The following CHL1 variants were observed in gnomAD, a reference collection of about 807,000 sequenced individuals.
The protein encoded by CHL1 is neural cell adhesion molecule L1-like protein.
Under a neutral mutation model 141.9 loss-of-function variants are expected in CHL1, and 96 were observed. The ratio of observed to expected loss-of-function variants is 0.68; its 90% CI spans 0.57 to 0.80. The LOEUF (loss-of-function observed/expected upper bound fraction) is 0.80, where lower values mean the gene tolerates loss of function less well. Among genes scored for constraint, CHL1 ranks in the 30% least tolerant of loss-of-function variants. CHL1 has a pLI of 0.00. For missense variants in CHL1, 1,820 were observed against 1,457.2 expected, an observed-to-expected ratio of 1.25 and a Z score of -4.05; for synonymous variants, 613 against 502.2, an observed-to-expected ratio of 1.22 and a Z score of -2.95.
rs1235121819 is a variant in CHL1 at position 280,480 on chromosome 3, A to G, written c.-95+35788A>G. 1.3e-5 allele frequency among the ~76,000 whole-genome samples: 2 copies of G among 152,242 alleles called. 1 individual carries two copies. Among genetic ancestry groups the G allele is most frequent in the East Asian group, 3.8e-4 (2 of 5,204 alleles). On this transcript the variant is annotated intron_variant, in intron 2 of 27. Transcript: ENST00000256509. ...GTGCTGAATAACTTAGATAAGAATT[A>G]AAGTGCTGAATAATTTAGATAAGAA... is the stretch of plus-strand genomic sequence containing the variant.
intron 1 of CHL1, among the ~76,000 whole-genome samples, chr3:205,566 TG>T (rs763566970): frequency 1.4e-4 from 21 of 152,224 alleles, no homozygotes; most frequent in Non-Finnish European, 2.9e-4. Flanking sequence ...AACGTAGTCC[TG>T]GCCAAAGATA....
chr3:280,363 A>G lies in CHL1; in HGVS notation c.-95+35671A>G, dbSNP rs547802162. On this transcript the variant is annotated intron_variant, in intron 2 of 27. Coordinates refer to ENST00000256509, the MANE Select transcript of CHL1 (RefSeq NM_006614.4). Reference sequence around the variant, plus strand: ...AAGTATGTCAAGAAAATTGAACATCAGTCTTCTTACTAGAAAAGAGAATCT... The same window carrying G: ...AAGTATGTCAAGAAAATTGAACATCGGTCTTCTTACTAGAAAAGAGAATCT... Among the ~76,000 whole-genome samples, 47 of 152,292 alleles carry G rather than the reference A, an allele frequency of 3.1e-4. 1 individual carries two copies. The South Asian group carries it at 9.3e-3, about 30-fold the overall frequency.
At position 398,213 on chromosome 3, in the gene CHL1, T is replaced by C; in HGVS notation, c.3095-14T>C. Reference sequence around the variant, plus strand: ...GATTACAATTCACATGATTTAACTGTGTACATTTCTTAGGTAAAGGTATCG... The same window carrying C: ...GATTACAATTCACATGATTTAACTGCGTACATTTCTTAGGTAAAGGTATCG... On this transcript the variant is annotated splice_polypyrimidine_tract_variant and intron_variant, in intron 24 of 27. Transcript: ENST00000256509. 1 of 1,563,716 alleles carries C rather than the reference T, an allele frequency of 6.4e-7. No individual in the cohort carries two copies. Among genetic ancestry groups the C allele is most frequent in the Non-Finnish European group, 8.7e-7 (1 of 1,146,122 alleles).
chr3:351,697 T>C (rs775690878), intron 10 of CHL1, among the ~76,000 whole-genome samples: 7 of 152,162 alleles, frequency 4.6e-5, no homozygotes, highest in South Asian at 2.1e-4. Context: ...ATGGATTCGA[T>C]TGGATTCTTT....
intron 2 of CHL1, among the ~76,000 whole-genome samples, chr3:259,372 C>T (rs1168215239): frequency 3.3e-5 from 5 of 151,712 alleles, no homozygotes; most frequent in Non-Finnish European, 7.4e-5. Context: ...ATAGGAATTG[C>T]AGAGAAATAC....
intron 2 of CHL1, among the ~76,000 whole-genome samples, chr3:266,259 G>C (rs1420458965): frequency 6.6e-6 from 1 of 152,080 alleles, no homozygotes; most frequent in East Asian, 1.9e-4. Flanking sequence ...TAAACTTGTA[G>C]GTCTAAAGAC....
intron 14 of CHL1, 60 bp downstream of exon 14, chr3:363,443 T>C (rs1343810902): frequency 6.9e-7 from 1 of 1,450,794 alleles, no homozygotes; most frequent in Admixed American, 2.0e-5. Flanking sequence ...CTGTCTTCAT[T>C]TGCCCAAATG....
chr3:349,116 A>T (rs1258634090), intron 9 of CHL1, among the ~76,000 whole-genome samples: 1 of 152,212 alleles, frequency 6.6e-6, no homozygotes, highest in Non-Finnish European at 1.5e-5. Flanking sequence ...GTAATAGAGG[A>T]GAGAGAAGAC....
chr3:272,204 A>T (rs145067174), intron 2 of CHL1, among the ~76,000 whole-genome samples: 46 of 152,272 alleles, frequency 3.0e-4, no homozygotes, highest in African/African-American at 1.0e-3. Context: ...AACACATTAC[A>T]TTTGTATAAG....
chr3:258,192 C>A (rs1325962541), intron 2 of CHL1, among the ~76,000 whole-genome samples: 1 of 152,178 alleles, frequency 6.6e-6, no homozygotes, highest in Non-Finnish European at 1.5e-5. Flanking sequence ...GCAACATGAC[C>A]TCTGGTTTGA....
chr3:230,056 A>G (rs996934853), intron 1 of CHL1, among the ~76,000 whole-genome samples: 2 of 152,204 alleles, frequency 1.3e-5, no homozygotes, highest in Non-Finnish European at 2.9e-5. Flanking sequence ...CAAAGTGGGT[A>G]CTTAAAATGT....
chr3:391,717 A>G lies in CHL1; in HGVS notation c.2834A>G (p.Lys945Arg). The G allele has an allele frequency of 1.2e-6, 2 of 1,607,040 alleles. No individual in the cohort carries two copies. Residue 945 changes from lysine (K) to arginine (R), a missense_variant, in exon 23 of 28, where the codon AAA becomes AGA. Coordinates refer to ENST00000256509, the MANE Select transcript of CHL1 (RefSeq NM_006614.4). ...TTTCTAAAGGTCATCAAAGTTGATA[A>G]AGACACTGCCACTTTATCTTGGGGA... is the stretch of plus-strand genomic sequence containing the variant. The part of the protein sequence containing the change: ...PTFLKVIKVD[K>R]DTATLSWGLP...
chr3:229,891 A>T (rs1701705286), intron 1 of CHL1, among the ~76,000 whole-genome samples: 1 of 152,188 alleles, frequency 6.6e-6, no homozygotes, highest in Admixed American at 6.5e-5. Flanking sequence ...TTCACGAGAT[A>T]AAATTTCTCT....
intron 24 of CHL1, 84 bp downstream of exon 24, chr3:394,956 C>T: frequency 2.7e-6 from 3 of 1,113,346 alleles, no homozygotes; most frequent in South Asian, 1.8e-5. Flanking sequence ...AAGGAAAGCA[C>T]CGTGCCAGTC....
intron 2 of CHL1, among the ~76,000 whole-genome samples, chr3:280,433 A>C (rs1291474935): frequency 6.6e-6 from 1 of 152,242 alleles, no homozygotes; most frequent in African/African-American, 2.4e-5. Flanking sequence ...AGAGCCACAA[A>C]ATAATTTAGA....
At chr3:213,692 G>T (rs892530183) in intron 1 of CHL1, 1 of 152,124 alleles carries the variant, frequency 6.6e-6, no homozygotes, top group Non-Finnish European at 1.5e-5. Context: ...ATTATTTCCA[G>T]CTTGTGCACT....
chr3:235,173 A>T (rs1221137516), intron 1 of CHL1, among the ~76,000 whole-genome samples: 1 of 151,998 alleles, frequency 6.6e-6, no homozygotes, highest in Non-Finnish European at 1.5e-5. Flanking sequence ...ACATTATTAA[A>T]AATATTTGTG....
chr3:335,261 T>G (rs1267855107), intron 5 of CHL1, among the ~76,000 whole-genome samples: 1 of 152,220 alleles, frequency 6.6e-6, no homozygotes, highest in Admixed American at 6.5e-5. Flanking sequence ...AACTTTGAAT[T>G]CTAAAGCTTT....
chr3:265,555 A>T (rs190974785), intron 2 of CHL1, among the ~76,000 whole-genome samples: 1 of 152,306 alleles, frequency 6.6e-6, no homozygotes, highest in African/African-American at 2.4e-5. Context: ...ACACTGTTTG[A>T]TCTGATTCTG....
Sources: gnomAD v4.1 joint callset for allele counts (sites outside exome capture counted in the v4.1 genomes callset) on GRCh38, gnomAD v4.1.1 for gene constraint, MANE v1.5 for transcripts, NCBI Gene and HGNC (gene_info 2026-07-23, HGNC 2026-07-21) for gene names.